CACHD1: variants seen among roughly 807,000 people sequenced by gnomAD.
CACHD1 encodes the protein VWFA and cache domain-containing protein 1.
A neutral mutation model predicts 138.7 loss-of-function variants in CACHD1; 71 were observed. The ratio of observed to expected loss-of-function variants is 0.51; its 90% CI spans 0.42 to 0.62. CACHD1 has a LOEUF of 0.62. CACHD1 is among the 20% of genes least tolerant of loss of function. The pLI, the probability that CACHD1 is intolerant of heterozygous loss-of-function variation, is 0.00. For missense variants in CACHD1, 1,389 were observed against 1,625.3 expected, an observed-to-expected ratio of 0.85 and a Z score of 2.50; for synonymous variants, 578 against 591.5, an observed-to-expected ratio of 0.98 and a Z score of 0.33.
chr1:64,673,244 A>T lies in CACHD1; in HGVS notation c.2597A>T (p.His866Leu). 1 of 1,614,128 alleles carries T rather than the reference A, an allele frequency of 6.2e-7. No individual in the cohort carries two copies. Among genetic ancestry groups the T allele is most frequent in the Non-Finnish European group, 8.5e-7 (1 of 1,179,986 alleles). The part of the protein sequence containing the change: ...PKGHAPVEQQ[H>L]ITHKEPLVAN... ...GGACATGCACCTGTGGAGCAGCAGC[A>T]CATCACCCACAAGGTATTTGTCACA... The change falls in exon 18 of 27, where the codon CAC (histidine) becomes CTC (leucine). Residue 866 changes from histidine to leucine, a missense_variant. By Grantham distance (99) the His-to-Leu change is moderately conservative (BLOSUM62 -3). Around this residue, in one of 5 missense-constraint regions of CACHD1, gnomAD observed 1,000 missense variants for 1,114.7 expected, o/e 0.90. Coordinates refer to ENST00000651257, the MANE Select transcript of CACHD1 (RefSeq NM_020925.4).
chr1:64,642,194 C>G (rs1570444133), intron 8 of CACHD1, among the ~76,000 whole-genome samples: 1 of 152,212 alleles, frequency 6.6e-6, no homozygotes, highest in Non-Finnish European at 1.5e-5. Context: ...AACCTCTTCT[C>G]CACTTACGTG....
chr1:64,644,549 G>A (rs1237137008), intron 8 of CACHD1, among the ~76,000 whole-genome samples: 1 of 152,210 alleles, frequency 6.6e-6, no homozygotes, highest in African/African-American at 2.4e-5. Context: ...TTCAACCAGA[G>A]TCTCTTACAC....
chr1:64,542,356 G>C lies in CACHD1; in HGVS notation c.199-8238G>C, dbSNP rs79122347. Among the ~76,000 whole-genome samples, 18 of 152,136 alleles carry C rather than the reference G, an allele frequency of 1.2e-4. No homozygotes were observed. The East Asian group carries it at 3.1e-3, about 26-fold the overall frequency. On this transcript the variant is annotated intron_variant, in intron 1 of 26. Transcript: ENST00000651257. ...AAAGTAAGCCTCTTCCTTTGCCATG[G>C]TTTTCAGTAACTAAGCATTTCCCTT...
chr1:64,642,908 G>T (rs1335919210), intron 8 of CACHD1, among the ~76,000 whole-genome samples: 1 of 151,276 alleles, frequency 6.6e-6, no homozygotes, highest in Non-Finnish European at 1.5e-5. Context: ...GCGTGGTGGT[G>T]TGCGCCTGTA....
rs543905674 is a variant in CACHD1 at position 64,500,871 on chromosome 1, A to AAC, written c.198+29930_198+29931dup. On this transcript the variant is annotated intron_variant, in intron 1 of 26. Coordinates refer to ENST00000651257, the MANE Select transcript of CACHD1 (RefSeq NM_020925.4). ...GAGACCTGCTTGGCCAACATGGTGA[A>AAC]ACCCCGTCTCTACTAAAAATACAAA... 2.6e-3 allele frequency among the ~76,000 whole-genome samples: 402 copies of AAC among 152,068 alleles called. 2 individuals are homozygous for AAC. The highest frequency in any genetic ancestry group is 4.5e-3 in the Non-Finnish European group (305 of 67,984).
At chr1:64,527,079 A>G (rs1019196695) in intron 1 of CACHD1, among the ~76,000 whole-genome samples, 20 of 152,226 alleles carry the variant, frequency 1.3e-4, no homozygotes, top group Non-Finnish European at 2.2e-4. Context: ...AGTTAAAGAC[A>G]GCATTGCTTT....
In CACHD1 at chr1:64,659,671, C is replaced by T. The variant is rs76837066; in HGVS notation, c.1951+798C>T. On this transcript the variant is annotated intron_variant, in intron 13 of 26. Coordinates refer to ENST00000651257, the MANE Select transcript of CACHD1 (RefSeq NM_020925.4). ...CATGCACCTCTGCTCTGCCATGTGC[C>T]AGACACATACTAGGCATTCGTGGTC... 1.5e-3 allele frequency among the ~76,000 whole-genome samples: 234 copies of T among 152,306 alleles called. 1 individual carries two copies. Among genetic ancestry groups the T allele is most frequent in the African/African-American group, 5.4e-3 (225 of 41,544 alleles).
Position 64,568,054 on chromosome 1 carries a change from A to G in CACHD1, c.262-14102A>G, listed in dbSNP as rs573285287. The stretch of plus-strand genomic sequence containing the variant: ...ATAAAAATAAGTGAAGTCCTTGATG[A>G]CTCTTTTGTCTTTCTTCCCAATTCA... On this transcript the variant is annotated intron_variant, in intron 2 of 26. Coordinates refer to ENST00000651257, the MANE Select transcript of CACHD1 (RefSeq NM_020925.4). 4.3e-4 allele frequency among the ~76,000 whole-genome samples: 66 copies of G among 151,846 alleles called. 1 individual carries two copies. The highest frequency in any genetic ancestry group is 1.6e-3 in the African/African-American group (65 of 41,412).
intron 1 of CACHD1, among the ~76,000 whole-genome samples, chr1:64,507,521 T>G (rs2100339494): frequency 6.6e-6 from 1 of 152,310 alleles, no homozygotes; most frequent in South Asian, 2.1e-4. Context: ...AAGAACATCT[T>G]GCATAGGTAG....
chr1:64,544,677 T>G (rs1374246060), intron 1 of CACHD1, among the ~76,000 whole-genome samples: 1 of 152,008 alleles, frequency 6.6e-6, no homozygotes, highest in Non-Finnish European at 1.5e-5. Flanking sequence ...GGAACTGTAT[T>G]CAACTGTTAT....
intron 5 of CACHD1, 32 bp downstream of exon 5, chr1:64,629,513 TA>T: frequency 6.2e-7 from 1 of 1,609,450 alleles, no homozygotes; most frequent in Non-Finnish European, 8.5e-7. Flanking sequence ...AGTTTTTAAT[TA>T]TTGCTTAAGA....
At chr1:64,519,831 G>A (rs187827915) in intron 1 of CACHD1, among the ~76,000 whole-genome samples, 72 of 137,858 alleles carry the variant, frequency 5.2e-4, no homozygotes, top group Admixed American at 1.6e-3. Context: ...CAACTCCTAG[G>A]TGCTTTTTTC....
chr1:64,486,909 T>G (rs1646246530), intron 1 of CACHD1, among the ~76,000 whole-genome samples: 1 of 152,142 alleles, frequency 6.6e-6, no homozygotes, highest in African/African-American at 2.4e-5. Flanking sequence ...TAGGTTAACA[T>G]GGAGTTCAAA....
intron 13 of CACHD1, among the ~76,000 whole-genome samples, chr1:64,659,678 A>T (rs1179317454): frequency 6.6e-6 from 1 of 152,254 alleles, no homozygotes; most frequent in East Asian, 1.9e-4. Flanking sequence ...TGCCAGACAC[A>T]TACTAGGCAT....
In CACHD1 at chr1:64,691,237, C is replaced by T. The variant is rs555794914; in HGVS notation, c.3587-86C>T. On this transcript the variant is annotated intron_variant, in intron 26 of 26. Transcript: ENST00000651257. Reference sequence around the variant, plus strand: ...CTATGTATTGCAAAGACAGGAATACCTCCCAGTGCCCTAGAAATTGTAGGT... The same window carrying T: ...CTATGTATTGCAAAGACAGGAATACTTCCCAGTGCCCTAGAAATTGTAGGT... 1.5e-4 allele frequency: 190 copies of T among 1,232,568 alleles called. No individual in the cohort carries two copies. In the East Asian group the frequency reaches 3.9e-3, roughly 25 times the overall value. 76.4% of individuals were successfully genotyped at this position (1,232,568 alleles called of 1,614,324 possible). A position where few individuals can be genotyped will look rare whatever the true frequency, so the allele number is the denominator to read the frequency against.
chr1:64,521,549 A>C, intron 1 of CACHD1, among the ~76,000 whole-genome samples: 1 of 152,158 alleles, frequency 6.6e-6, no homozygotes, highest in Middle Eastern at 3.2e-3. Flanking sequence ...TCATTACTTG[A>C]TTCTTATTCA....
Position 64,483,008 on chromosome 1 carries a change from A to C in CACHD1, c.198+12066A>C, listed in dbSNP as rs368399068. Among the ~76,000 whole-genome samples the C allele has an allele frequency of 1.5e-3, 225 of 152,252 alleles. 4 individuals are homozygous for C. The South Asian group carries it at 0.044, about 30-fold the overall frequency. ...CAGCCCTTAAATGGTAGACTTTGTA[A>C]CTTTTTAGTAGTTACTGTTACAAAT... On this transcript the variant is annotated intron_variant, in intron 1 of 26. Coordinates refer to ENST00000651257, the MANE Select transcript of CACHD1 (RefSeq NM_020925.4).
chr1:64,602,996 T>C, intron 4 of CACHD1, 84 bp downstream of exon 4: 2 of 904,710 alleles, frequency 2.2e-6, no homozygotes, highest in Admixed American at 2.3e-5. Flanking sequence ...ATTTTTTTTT[T>C]TAATTTTTGA....
chr1:64,470,976 CT>C lies in CACHD1; in HGVS notation c.198+37del. 1 of 1,552,140 alleles carries C rather than the reference CT, an allele frequency of 6.4e-7. No homozygotes were observed. Among genetic ancestry groups the C allele is most frequent in the Non-Finnish European group, 8.7e-7 (1 of 1,146,886 alleles). On this transcript the variant is annotated intron_variant, in intron 1 of 26. Coordinates refer to ENST00000651257, the MANE Select transcript of CACHD1 (RefSeq NM_020925.4). The surrounding 1 kb of genome is among the most constrained non-coding windows in gnomAD (Gnocchi z 5.2). Reference sequence around the variant, plus strand: ...CCCCCGAGCTGGCCAGACATCCCGCCTTTCTCCTTTGCTCAAACTCCCATCC... The same window carrying C: ...CCCCCGAGCTGGCCAGACATCCCGCCTTCTCCTTTGCTCAAACTCCCATCC...
Sources: allele counts gnomAD v4.1 joint callset (sites outside exome capture counted in the v4.1 genomes callset), GRCh38; gene constraint gnomAD v4.1.1; regional missense constraint gnomAD v4.1.1; non-coding constraint Gnocchi (gnomAD v3.1); transcripts MANE v1.5; gene names NCBI Gene and HGNC (gene_info 2026-07-23, HGNC 2026-07-21).